LRP1B: variants seen among roughly 807,000 people sequenced by gnomAD.
The protein encoded by LRP1B is low-density lipoprotein receptor-related protein 1B.
Under a neutral mutation model 556.6 loss-of-function variants are expected in LRP1B, and 217 were observed. That is an observed-to-expected ratio of 0.39 (90% CI 0.35 to 0.44). The LOEUF (loss-of-function observed/expected upper bound fraction) is 0.44, where lower values mean the gene tolerates loss of function less well. Among genes scored for constraint, LRP1B ranks in the 20% least tolerant of loss-of-function variants. The pLI is 1.00. For synonymous variants in LRP1B, 2,047 were observed against 1,865.8 expected (o/e 1.10, Z -2.50); for missense variants, 5,053 against 5,620.8 (o/e 0.90, Z 3.23).
chr2:141,514,926 G>C (rs988328201), intron 2 of LRP1B, among the ~76,000 whole-genome samples: 20 of 152,138 alleles, frequency 1.3e-4, no homozygotes, highest in African/African-American at 4.8e-4. Context: ...GTAAGTCAGG[G>C]GCCATCTGTA....
intron 3 of LRP1B, among the ~76,000 whole-genome samples, chr2:141,400,159 T>C (rs538220002): frequency 6.6e-6 from 1 of 151,906 alleles, no homozygotes; most frequent in Admixed American, 6.6e-5. Context: ...TAAAAAAAAA[T>C]TGTAGAAACA....
At chr2:141,212,513 T>C (rs896466694) in intron 6 of LRP1B, among the ~76,000 whole-genome samples, 2 of 151,544 alleles carry the variant, frequency 1.3e-5, no homozygotes, top group East Asian at 3.9e-4. Context: ...CTTGATCTCC[T>C]GACCTCGTGA....
chr2:141,718,170 G>A (rs192450540), intron 2 of LRP1B, among the ~76,000 whole-genome samples: 2 of 152,258 alleles, frequency 1.3e-5, no homozygotes, highest in Admixed American at 1.3e-4. Flanking sequence ...AGCTTTTCAG[G>A]GTGAAAGCAG....
At chr2:141,334,640 C>G (rs1219352779) in intron 3 of LRP1B, among the ~76,000 whole-genome samples, 1 of 152,212 alleles carries the variant, frequency 6.6e-6, no homozygotes, top group East Asian at 1.9e-4. Flanking sequence ...CAACCTCCAC[C>G]TCCCAGGATC....
chr2:141,954,427 T>C (rs971529622), intron 1 of LRP1B, among the ~76,000 whole-genome samples: 1 of 152,084 alleles, frequency 6.6e-6, no homozygotes, highest in Non-Finnish European at 1.5e-5. Flanking sequence ...TTTATGAGTG[T>C]GTATTGAACT....
intron 41 of LRP1B, among the ~76,000 whole-genome samples, chr2:140,606,216 A>G (rs1559000428): frequency 6.6e-6 from 1 of 152,114 alleles, no homozygotes; most frequent in Non-Finnish European, 1.5e-5. Context: ...ATTCTATATA[A>G]GAGCAATGAA....
chr2:140,928,000 C>A (rs1694938591), intron 20 of LRP1B, among the ~76,000 whole-genome samples: 2 of 151,954 alleles, frequency 1.3e-5, no homozygotes, highest in Non-Finnish European at 2.9e-5. Context: ...CCCACCTTGG[C>A]CTCTCAAAGT....
chr2:140,563,892 C>A (rs973746189), intron 43 of LRP1B, among the ~76,000 whole-genome samples: 3 of 152,120 alleles, frequency 2.0e-5, no homozygotes, highest in African/African-American at 4.8e-5. Flanking sequence ...AGTAGATGGA[C>A]AGAAGCCTAA....
intron 1 of LRP1B, among the ~76,000 whole-genome samples, chr2:141,854,506 C>T (rs540569593): frequency 5.3e-5 from 8 of 152,136 alleles, no homozygotes; most frequent in South Asian, 2.1e-4. Flanking sequence ...GAAAACTAAA[C>T]GCAGGCACAT....
chr2:141,501,785 G>A (rs1265769442), intron 2 of LRP1B, among the ~76,000 whole-genome samples: 1 of 152,138 alleles, frequency 6.6e-6, no homozygotes, highest in Non-Finnish European at 1.5e-5. Flanking sequence ...GAAAAATTTG[G>A]CTGTAGCTAC....
intron 47 of LRP1B, among the ~76,000 whole-genome samples, chr2:140,529,806 T>C (rs991193182): frequency 6.6e-6 from 1 of 151,944 alleles, no homozygotes; most frequent in Admixed American, 6.6e-5. Context: ...TTCCTGAATA[T>C]ATTCACTCGA....
At chr2:141,175,256 T>C (rs1419929020) in intron 7 of LRP1B, among the ~76,000 whole-genome samples, 1 of 151,970 alleles carries the variant, frequency 6.6e-6, no homozygotes, top group African/African-American at 2.4e-5. Context: ...TGGGGAGAAA[T>C]GCAAGGCAGC....
chr2:140,237,363 A>G (rs115430910), intron 89 of LRP1B, among the ~76,000 whole-genome samples: 1,965 of 151,044 alleles, frequency 0.013, 23 homozygotes, highest in Non-Finnish European at 0.021. Flanking sequence ...TTATGGCTGA[A>G]TAGCATTTTC....
chr2:141,983,153 G>A (rs1255128096), intron 1 of LRP1B, among the ~76,000 whole-genome samples: 2 of 147,888 alleles, frequency 1.4e-5, no homozygotes, highest in African/African-American at 5.0e-5. Flanking sequence ...TTGAGGCATG[G>A]TATAGTAAAA....
intron 43 of LRP1B, among the ~76,000 whole-genome samples, chr2:140,559,952 C>G (rs545539435): frequency 1.2e-4 from 18 of 152,098 alleles, no homozygotes; most frequent in African/African-American, 4.1e-4. Context: ...ATGAGGATTA[C>G]AATATTTACA....
At position 142,113,992 on chromosome 2, in the gene LRP1B, C is replaced by T. The variant is rs116128124; in HGVS notation, c.82+16656G>A. Reference sequence around the variant, plus strand: ...TCTTTCTATAGAGCAGTATGAACAGCCACCACCAATTGGTCATGACTGGTC... The same window carrying T: ...TCTTTCTATAGAGCAGTATGAACAGTCACCACCAATTGGTCATGACTGGTC... On this transcript the variant is annotated intron_variant, in intron 1 of 90. Transcript: ENST00000389484. 8.4e-3 allele frequency among the ~76,000 whole-genome samples: 1,285 copies of T among 152,138 alleles called. 11 individuals are homozygous for T. Among genetic ancestry groups the T allele is most frequent in the Middle Eastern group, 0.024 (7 of 294 alleles).
chr2:141,540,943 GA>G (rs1219345758), intron 2 of LRP1B, among the ~76,000 whole-genome samples: 1 of 151,772 alleles, frequency 6.6e-6, no homozygotes. Context: ...TTGACAAAAT[GA>G]AAATATATGC....
At chr2:141,249,499 A>T (rs1361916810) in intron 4 of LRP1B, among the ~76,000 whole-genome samples, 1 of 152,178 alleles carries the variant, frequency 6.6e-6, no homozygotes, top group African/African-American at 2.4e-5. Context: ...CAGGCAGCTG[A>T]GGCATGAGAA....
Position 140,914,280 on chromosome 2 carries a change from G to A in LRP1B, c.3320-6203C>T, listed in dbSNP as rs150152515. 5.6e-4 allele frequency among the ~76,000 whole-genome samples: 85 copies of A among 152,248 alleles called. 1 individual carries two copies. The highest frequency in any genetic ancestry group is 1.1e-3 in the Non-Finnish European group (75 of 68,004). ...AGCTTAACCTTAGGTTATGAGATGT[G>A]AGTAGAGAATGGAATGGGTTATGTT... On this transcript the variant is annotated intron_variant, in intron 21 of 90. Coordinates refer to ENST00000389484, the MANE Select transcript of LRP1B (RefSeq NM_018557.3).
Sources: allele counts gnomAD v4.1 joint callset (sites outside exome capture counted in the v4.1 genomes callset), GRCh38; gene constraint gnomAD v4.1.1; transcripts MANE v1.5; gene names NCBI Gene and HGNC (gene_info 2026-07-23, HGNC 2026-07-21).